The following PALM2AKAP2 variants were observed in gnomAD, a reference collection of about 807,000 sequenced individuals.
The protein encoded by PALM2AKAP2 is PALM2 and AKAP2 fusion.
PALM2AKAP2 carries 37 observed loss-of-function variants against 71.5 expected under a neutral mutation model. That is an observed-to-expected ratio of 0.52 (90% CI 0.40 to 0.68). The LOEUF (loss-of-function observed/expected upper bound fraction) is 0.68, where lower values mean the gene tolerates loss of function less well. Among genes scored for constraint, PALM2AKAP2 ranks in the 30% least tolerant of loss-of-function variants. PALM2AKAP2 has a pLI of 0.00. For synonymous variants in PALM2AKAP2, 468 were observed against 478.8 expected, an observed-to-expected ratio of 0.98 and a Z score of 0.29; for missense variants, 1,224 against 1,191.8, an observed-to-expected ratio of 1.03 and a Z score of -0.40.
At chr9:109,896,096 A>T (rs912008536) in intron 3 of PALM2AKAP2, among the ~76,000 whole-genome samples, 1 of 152,080 alleles carries the variant, frequency 6.6e-6, no homozygotes, top group African/African-American at 2.4e-5. Context: ...GAGGCAGGAG[A>T]ACTGCTCGAA....
chr9:109,682,995 A>C (rs1362069517), intron 1 of PALM2AKAP2, among the ~76,000 whole-genome samples: 1 of 152,178 alleles, frequency 6.6e-6, no homozygotes, highest in Non-Finnish European at 1.5e-5. Flanking sequence ...TTTCTCATGA[A>C]TAGTTTAGCA....
At chr9:109,681,985 C>G (rs774362406) in intron 1 of PALM2AKAP2, among the ~76,000 whole-genome samples, 1 of 152,156 alleles carries the variant, frequency 6.6e-6, no homozygotes, top group Non-Finnish European at 1.5e-5. Flanking sequence ...TAATGCTAAC[C>G]TGAAGCCCTG....
intron 1 of PALM2AKAP2, among the ~76,000 whole-genome samples, chr9:109,830,329 G>A (rs532938504): frequency 2.9e-4 from 44 of 152,270 alleles, no homozygotes; most frequent in Non-Finnish European, 5.1e-4. Context: ...TAGACCATAG[G>A]GTCAGCAGGC....
chr9:110,069,494 T>C (rs1834159177), intron 1 of PALM2AKAP2, among the ~76,000 whole-genome samples: 1 of 152,198 alleles, frequency 6.6e-6, no homozygotes, highest in African/African-American at 2.4e-5. Flanking sequence ...TTGTGGCTTG[T>C]TAATGTGGTT....
chr9:109,893,184 C>A (rs1272022781), intron 3 of PALM2AKAP2, among the ~76,000 whole-genome samples: 1 of 152,124 alleles, frequency 6.6e-6, no homozygotes, highest in Non-Finnish European at 1.5e-5. Context: ...AAGAAGCGTC[C>A]CATCTCCCCA....
At chr9:109,772,986 C>T (rs986548103) in intron 1 of PALM2AKAP2, among the ~76,000 whole-genome samples, 2 of 152,084 alleles carry the variant, frequency 1.3e-5, no homozygotes, top group African/African-American at 4.8e-5. Flanking sequence ...GGTGTGGTGG[C>T]GGGCGCCTGT....
rs1247052285 is a variant in PALM2AKAP2 at position 109,655,691 on chromosome 9, A to AT, written c.5+14827dup. Reference sequence around the variant, plus strand: ...ATATATGTAGAATCAAACACTATTTATTCTTTTGTGTCTGGATAATTTCAC... The same window carrying AT: ...ATATATGTAGAATCAAACACTATTTATTTCTTTTGTGTCTGGATAATTTCAC... On this transcript the variant is annotated intron_variant, in intron 1 of 6. Transcript: ENST00000374531. Among the ~76,000 whole-genome samples the AT allele has an allele frequency of 5.3e-5, 8 of 152,048 alleles. 1 individual carries two copies. Among genetic ancestry groups the AT allele is most frequent in the African/African-American group, 1.7e-4 (7 of 41,464 alleles).
At chr9:110,163,430 A>T (rs2119263969) in intron 3 of PALM2AKAP2, among the ~76,000 whole-genome samples, 1 of 152,310 alleles carries the variant, frequency 6.6e-6, no homozygotes. Flanking sequence ...AATATTTTTA[A>T]AAGAAATTAG....
intron 7 of PALM2AKAP2, chr9:110,025,148 C>T: frequency 2.2e-6 from 3 of 1,356,834 alleles, no homozygotes; most frequent in Non-Finnish European, 3.1e-6. Flanking sequence ...ATACCAACAG[C>T]ATGCTGGGTA....
At chr9:109,715,122 G>A (rs1251095795) in intron 1 of PALM2AKAP2, among the ~76,000 whole-genome samples, 7 of 152,166 alleles carry the variant, frequency 4.6e-5, no homozygotes, top group Non-Finnish European at 1.0e-4. Context: ...TTGAAAACAG[G>A]CATAATAATA....
At chr9:109,703,837 G>A (rs970089742) in intron 1 of PALM2AKAP2, among the ~76,000 whole-genome samples, 1 of 151,970 alleles carries the variant, frequency 6.6e-6, no homozygotes, top group African/African-American at 2.4e-5. Flanking sequence ...ATCTACAGAG[G>A]ACATTAGTTT....
intron 6 of PALM2AKAP2, among the ~76,000 whole-genome samples, chr9:109,990,139 T>C (rs776076032): frequency 1.3e-5 from 2 of 151,636 alleles, no homozygotes; most frequent in Non-Finnish European, 2.9e-5. Flanking sequence ...TGGTATGATT[T>C]TGGCTCACTG....
At chr9:109,923,424 A>G (rs1188672016) in intron 3 of PALM2AKAP2, among the ~76,000 whole-genome samples, 1 of 152,228 alleles carries the variant, frequency 6.6e-6, no homozygotes, top group African/African-American at 2.4e-5. Context: ...CTATGTAAAT[A>G]TAATCTCCCT....
intron 4 of PALM2AKAP2, among the ~76,000 whole-genome samples, chr9:109,924,625 A>C (rs1303471527): frequency 6.6e-6 from 1 of 152,064 alleles, no homozygotes; most frequent in East Asian, 1.9e-4. Context: ...AAAAACAAAG[A>C]CAAACAAACA....
At chr9:109,640,985 C>A (rs1022334173) in intron 1 of PALM2AKAP2, 9 of 1,341,668 alleles carry the variant, frequency 6.7e-6, no homozygotes, top group Non-Finnish European at 8.8e-6. Flanking sequence ...AATTTCAGCC[C>A]CGTGTGTACG....
chr9:109,953,374 A>G (rs1831678695), intron 6 of PALM2AKAP2, among the ~76,000 whole-genome samples: 1 of 152,204 alleles, frequency 6.6e-6, no homozygotes, highest in Non-Finnish European at 1.5e-5. Flanking sequence ...GTAGCCATTG[A>G]GGTTACTGTC....
At chr9:109,698,174 G>T (rs916862187) in intron 1 of PALM2AKAP2, among the ~76,000 whole-genome samples, 1 of 151,988 alleles carries the variant, frequency 6.6e-6, no homozygotes, top group Admixed American at 6.5e-5. Context: ...GCTGAGACAT[G>T]GTTGAATATA....
Position 109,673,080 on chromosome 9 carries a change from G to A in PALM2AKAP2, c.5+32214G>A, listed in dbSNP as rs578038073. On this transcript the variant is annotated intron_variant, in intron 1 of 6. Coordinates refer to the PALM2AKAP2 transcript ENST00000374531. The stretch of plus-strand genomic sequence containing the variant: ...TGTTGATCTTTTGAATGCTTTTTGT[G>A]TACGTGTGTGTGTGTCTCAATCTCT... Among the ~76,000 whole-genome samples, 20 of 151,860 alleles carry A rather than the reference G, an allele frequency of 1.3e-4. No individual in the cohort carries two copies. In the South Asian group the frequency reaches 3.3e-3, roughly 25 times the overall value.
intron 6 of PALM2AKAP2, among the ~76,000 whole-genome samples, chr9:109,952,528 C>T (rs1416048417): frequency 3.3e-5 from 5 of 152,090 alleles, no homozygotes; most frequent in South Asian, 2.1e-4. Context: ...TTGCTCAAAC[C>T]GCCAGGTTAA....
Sources: gnomAD v4.1 joint callset for allele counts (sites outside exome capture counted in the v4.1 genomes callset) on GRCh38, gnomAD v4.1.1 for gene constraint, MANE v1.5 for transcripts, NCBI Gene and HGNC (gene_info 2026-07-23, HGNC 2026-07-21) for gene names.